BPI: variants seen among roughly 807,000 people sequenced by gnomAD.
The protein encoded by BPI is bactericidal permeability-increasing protein.
A neutral mutation model predicts 57.6 loss-of-function variants in BPI; 48 were observed. That is an observed-to-expected ratio of 0.83 (90% CI 0.66 to 1.06). The LOEUF is 1.06. Ranked by LOEUF, BPI falls within the 50% of genes least tolerant of loss-of-function variation. The pLI, the probability that BPI is intolerant of heterozygous loss-of-function variation, is 0.00. For synonymous variants in BPI, 237 were observed against 238.2 expected (o/e 0.99, Z 0.05); for missense variants, 651 against 609.7 (o/e 1.07, Z -0.71).
intron 5 of BPI, among the ~76,000 whole-genome samples, chr20:38,316,829 G>A (rs2076654538): frequency 6.6e-6 from 1 of 152,178 alleles, no homozygotes; most frequent in East Asian, 1.9e-4. Flanking sequence ...AGAGAGTGTG[G>A]GTGAGGCGCT....
intron 13 of BPI, 103 bp downstream of exon 13, chr20:38,334,596 G>T (rs1025739762): frequency 1.7e-6 from 2 of 1,182,694 alleles, no homozygotes; most frequent in Admixed American, 1.7e-5. Flanking sequence ...TGAGGGCTGG[G>T]CAGTGGTGAT....
chr20:38,324,077 G>A (rs759009189), intron 8 of BPI, 31 bp downstream of exon 8: 55 of 1,608,938 alleles, frequency 3.4e-5, no homozygotes, highest in Admixed American at 1.5e-4. Context: ...GGTGTGGGAA[G>A]AGCACTGGAC....
At position 38,326,361 on chromosome 20, in the gene BPI, C is replaced by T; in HGVS notation, c.1090C>T (p.Pro364Ser). The T allele has an allele frequency of 1.2e-6, 2 of 1,614,200 alleles. No homozygotes were observed. Among genetic ancestry groups the T allele is most frequent in the Non-Finnish European group, 8.5e-7 (1 of 1,180,024 alleles). Residue 364 changes from proline to serine, a missense_variant, in exon 10 of 15, where the codon CCT (proline) becomes TCT (serine). By Grantham distance (74) the Pro-to-Ser change is moderately conservative (BLOSUM62 -1). Coordinates refer to ENST00000642449, the MANE Select transcript of BPI (RefSeq NM_001725.3). ...SVQPTGLTFYPAVDVQAFAVL... is the reference protein window; with the variant it reads ...SVQPTGLTFYSAVDVQAFAVL... Reference sequence around the variant, plus strand: ...GCAGCCCACCGGCCTTACCTTCTACCCTGCCGTGGATGTCCAGGCCTTTGC... The same window carrying T: ...GCAGCCCACCGGCCTTACCTTCTACTCTGCCGTGGATGTCCAGGCCTTTGC...
intron 4 of BPI, among the ~76,000 whole-genome samples, chr20:38,311,459 G>A (rs1227252972): frequency 6.6e-6 from 1 of 152,256 alleles, no homozygotes; most frequent in East Asian, 1.9e-4. Context: ...CTTCCTTGGT[G>A]AAATGACATT....
intron 1 of BPI, among the ~76,000 whole-genome samples, chr20:38,306,390 G>T (rs1422479328): frequency 6.6e-6 from 1 of 152,214 alleles, no homozygotes; most frequent in Non-Finnish European, 1.5e-5. Context: ...GAATGTAAGG[G>T]ACACACGAGT....
At position 38,334,450 on chromosome 20, in the gene BPI, C is replaced by T. The variant is rs147614608; in HGVS notation, c.1293C>T (p.Ile431=). 3.1e-6 allele frequency: 5 copies of T among 1,614,020 alleles called. No individual in the cohort carries two copies. The highest frequency in any genetic ancestry group is 1.7e-5 in the Admixed American group (1 of 60,024). ...GPFPVELLQD[I]MNYIVPILVL... ...TCCAGGTTGAATTGCTGCAGGATAT[C>T]ATGAACTACATTGTACCCATTCTTG... Residue 431 remains isoleucine, a synonymous_variant, in exon 13 of 15, where the codon ATC becomes ATT. Transcript: ENST00000642449.
At position 38,304,356 on chromosome 20, in the gene BPI, A is replaced by G; in HGVS notation, c.130+3A>G. On this transcript the variant is annotated splice_donor_region_variant and intron_variant, in intron 1 of 14. Coordinates refer to ENST00000642449, the MANE Select transcript of BPI (RefSeq NM_001725.3). ...CTCCCAGAAGGGCCTGGACTACGGT[A>G]ACTGGATGCCTCCCTTCCCTCCTCT... is the stretch of plus-strand genomic sequence containing the variant. 1 of 1,612,708 alleles carries G rather than the reference A, an allele frequency of 6.2e-7. No individual in the cohort carries two copies.
intron 9 of BPI, 112 bp from the exon 10 acceptor site, chr20:38,326,153 G>A (rs1568817033): frequency 8.8e-7 from 1 of 1,136,330 alleles, no homozygotes; most frequent in African/African-American, 1.6e-5. Flanking sequence ...TTTATTCTAA[G>A]AGCAATGGGA....
chr20:38,308,875 T>C, intron 2 of BPI, 55 bp from the exon 3 acceptor site: 1 of 1,607,412 alleles, frequency 6.2e-7, no homozygotes, highest in Non-Finnish European at 8.5e-7. Flanking sequence ...GAAGTCCTCA[T>C]GTGTGCACCT....
intron 7 of BPI, among the ~76,000 whole-genome samples, chr20:38,321,380 T>C (rs528032128): frequency 6.6e-6 from 1 of 152,140 alleles, no homozygotes; most frequent in South Asian, 2.1e-4. Context: ...GGCCTTACAC[T>C]TCCTCAAATA....
chr20:38,320,830 G>T (rs991438683), intron 7 of BPI, among the ~76,000 whole-genome samples: 35 of 145,708 alleles, frequency 2.4e-4, no homozygotes, highest in South Asian at 4.6e-4. Context: ...TTGTTGGATG[G>T]GTGGATGGAT....
rs766767071 is a variant in BPI, at chr20:38,337,199, CCGGGGG to C, written c.*17_*22del. 8.0e-5 allele frequency: 126 copies of C among 1,582,216 alleles called. 1 individual carries two copies. The highest frequency in any genetic ancestry group is 3.4e-6 in the Non-Finnish European group (4 of 1,167,596). The stretch of plus-strand genomic sequence containing the variant: ...TCTATAAATGAAGGCACCAGGGGTG[CCGGGGG>C]CTGTCAGCCACACCTGTTCCTGATG... On this transcript the variant is annotated 3_prime_UTR_variant, in exon 15 of 15. Transcript: ENST00000642449.
At chr20:38,334,277 C>G (rs1297210585) in intron 12 of BPI, among the ~76,000 whole-genome samples, 153 bp from the exon 13 acceptor site, 1 of 152,192 alleles carries the variant, frequency 6.6e-6, no homozygotes, top group Non-Finnish European at 1.5e-5. Context: ...TCACATATCA[C>G]TTGCGTCCAC....
At chr20:38,306,905 GGTCATGGTGGCTCAT>G (rs1275441557) in intron 1 of BPI, among the ~76,000 whole-genome samples, 20 of 152,092 alleles carry the variant, frequency 1.3e-4, no homozygotes, top group Non-Finnish European at 1.0e-4. Context: ...CAAAAGGGCC[GGTCATGGTGGCTCAT>G]GCCTGTAACT....
chr20:38,315,452 G>A (rs1332391347), intron 5 of BPI, among the ~76,000 whole-genome samples: 2 of 152,180 alleles, frequency 1.3e-5, no homozygotes, highest in Non-Finnish European at 2.9e-5. Flanking sequence ...TGTGCATGAA[G>A]GGAAGAGCAG....
intron 9 of BPI, among the ~76,000 whole-genome samples, chr20:38,325,631 G>T (rs1438549081): frequency 1.3e-5 from 2 of 152,152 alleles, no homozygotes; most frequent in African/African-American, 4.8e-5. Flanking sequence ...TGGGAATTAG[G>T]GTTTCAACAT....
At chr20:38,312,616 T>C (rs1234767224) in intron 5 of BPI, among the ~76,000 whole-genome samples, 2 of 152,210 alleles carry the variant, frequency 1.3e-5, no homozygotes, top group Non-Finnish European at 2.9e-5. Context: ...TGCAAATGGG[T>C]GACTTGGCCA....
chr20:38,326,367 G>A lies in BPI; in HGVS notation c.1096G>A (p.Val366Met), dbSNP rs144369430. 3.5e-5 allele frequency: 56 copies of A among 1,614,012 alleles called. No homozygotes were observed. The highest frequency in any genetic ancestry group is 1.6e-4 in the East Asian group (7 of 44,888). The part of the protein sequence containing the change: ...QPTGLTFYPA[V>M]DVQAFAVLPN... ...CACCGGCCTTACCTTCTACCCTGCC[G>A]TGGATGTCCAGGCCTTTGCCGTCCT... Residue 366 changes from valine to methionine, a missense_variant, in exon 10 of 15, where the codon GTG (valine) becomes ATG (methionine). Val to Met is a conservative substitution (Grantham distance 21, BLOSUM62 1). Coordinates refer to ENST00000642449, the MANE Select transcript of BPI (RefSeq NM_001725.3).
chr20:38,317,880 G>A, intron 5 of BPI: 1 of 1,460,034 alleles, frequency 6.8e-7, no homozygotes, highest in Non-Finnish European at 9.0e-7. Context: ...ATGGGCTAGG[G>A]GACAGGGGGA....
Sources: gnomAD v4.1 joint callset for allele counts (sites outside exome capture counted in the v4.1 genomes callset) on GRCh38, gnomAD v4.1.1 for gene constraint, MANE v1.5 for transcripts, NCBI Gene and HGNC (gene_info 2026-07-23, HGNC 2026-07-21) for gene names.